The following ABCA13 variants were observed in gnomAD, a reference collection of about 807,000 sequenced individuals.
ABCA13 encodes the protein ATP-binding cassette sub-family A member 13.
ABCA13 carries 476 observed loss-of-function variants against 478.7 expected under a neutral mutation model. The observed-to-expected ratio is 0.99, with a 90% CI of 0.92 to 1.07. The LOEUF (loss-of-function observed/expected upper bound fraction) is 1.07. Among genes scored for constraint, ABCA13 ranks in the 50% least tolerant of loss-of-function variants. The pLI, the probability that ABCA13 is intolerant of heterozygous loss-of-function variation, is 0.00. For missense variants in ABCA13, 6,060 were observed against 5,910.6 expected, an observed-to-expected ratio of 1.03 and a Z score of -0.83; for synonymous variants, 2,252 against 2,158.9, an observed-to-expected ratio of 1.04 and a Z score of -1.20.
intron 6 of ABCA13, among the ~76,000 whole-genome samples, chr7:48,228,804 C>T (rs896566645): frequency 6.6e-6 from 1 of 152,118 alleles, no homozygotes; most frequent in African/African-American, 2.4e-5. Context: ...GAAATGCCTC[C>T]CTTTGTATTC....
At chr7:48,346,254 T>C (rs1267614294) in intron 29 of ABCA13, among the ~76,000 whole-genome samples, 2 of 152,166 alleles carry the variant, frequency 1.3e-5, no homozygotes, top group African/African-American at 4.8e-5. Flanking sequence ...ATAAGAAAGC[T>C]TAAAGCCTTC....
At chr7:48,545,206 A>G (rs1784713439) in intron 55 of ABCA13, among the ~76,000 whole-genome samples, 5 of 151,788 alleles carry the variant, frequency 3.3e-5, no homozygotes, top group Admixed American at 3.3e-4. Flanking sequence ...ATTGAACTGA[A>G]ACTCTGTATA....
chr7:48,268,184 T>A (rs1415558198), intron 15 of ABCA13, among the ~76,000 whole-genome samples: 1 of 152,122 alleles, frequency 6.6e-6, no homozygotes, highest in African/African-American at 2.4e-5. Context: ...TTTGAGACAG[T>A]CTCGCTCTGT....
intron 48 of ABCA13, among the ~76,000 whole-genome samples, chr7:48,495,294 G>T (rs868142640): frequency 3.3e-5 from 5 of 152,198 alleles, no homozygotes; most frequent in Admixed American, 6.5e-5. Flanking sequence ...CTTCATCTTT[G>T]ACCCAGGGAT....
In ABCA13 at chr7:48,239,420, C is replaced by G. The variant is rs754249338; in HGVS notation, c.1062+15C>G. 1.2e-5 allele frequency: 19 copies of G among 1,602,330 alleles called. No homozygotes were observed. The East Asian group carries it at 2.7e-4, about 23-fold the overall frequency. The stretch of plus-strand genomic sequence containing the variant: ...TCTACCAACAGGTGCTGTCCCCTCT[C>G]TCTATGTTCTGTTCAAAGGTGTGCC... On this transcript the variant is annotated intron_variant, in intron 9 of 61. Transcript: ENST00000435803.
In ABCA13 at chr7:48,372,499, T is replaced by C. The variant is rs779242720; in HGVS notation, c.11133+2T>C. 44 of 1,481,768 alleles carry C rather than the reference T, an allele frequency of 3.0e-5. No homozygotes were observed. Among genetic ancestry groups the C allele is most frequent in the Admixed American group, 6.6e-5 (3 of 45,516 alleles). 91.8% of individuals were successfully genotyped at this position (1,481,768 alleles called of 1,614,324 possible). A position where few individuals can be genotyped will look rare whatever the true frequency, so the allele number is the denominator to read the frequency against. ...AGTTTTGTTAATCAGACATTTCTGG[T>C]AAGTAAGTTGTTTTGTAAAAAAAAA... is the stretch of plus-strand genomic sequence containing the variant. On this transcript the variant is annotated splice_donor_variant, in intron 33 of 61. Transcript: ENST00000435803. LOFTEE classifies it high-confidence loss of function.
At chr7:48,244,536 T>A in intron 10 of ABCA13, 40 bp from the exon 11 acceptor site, 1 of 1,591,812 alleles carries the variant, frequency 6.3e-7, no homozygotes, top group Non-Finnish European at 8.5e-7. Flanking sequence ...CACTTCGAAC[T>A]ACTTTTCATT....
rs368995734 is a variant in ABCA13, at chr7:48,286,942, T to C, written c.8837-1018T>C. 1.2e-4 allele frequency among the ~76,000 whole-genome samples: 19 copies of C among 152,342 alleles called. No individual in the cohort carries two copies. In the East Asian group the frequency reaches 3.3e-3, roughly 26 times the overall value. ...TTATTTTCTGTCATGACCAAGCATC[T>C]AGGAGGTACAAAGCCCTGTGCTAGG... On this transcript the variant is annotated intron_variant, in intron 19 of 61. Transcript: ENST00000435803.
At chr7:48,590,318 A>G (rs530724474) in intron 57 of ABCA13, among the ~76,000 whole-genome samples, 2 of 152,014 alleles carry the variant, frequency 1.3e-5, no homozygotes, top group Non-Finnish European at 1.5e-5. Flanking sequence ...AGAGAGAGAG[A>G]CAAGGAAACA....
intron 29 of ABCA13, among the ~76,000 whole-genome samples, chr7:48,345,758 T>C (rs987358065): frequency 6.6e-6 from 1 of 152,182 alleles, no homozygotes; most frequent in Non-Finnish European, 1.5e-5. Context: ...GTAGCTTAAG[T>C]ATACAGTGTT....
chr7:48,294,924 G>A (rs932599215), intron 20 of ABCA13, among the ~76,000 whole-genome samples: 4 of 152,126 alleles, frequency 2.6e-5, no homozygotes, highest in African/African-American at 9.7e-5. Flanking sequence ...TGTATATAAT[G>A]TCACATTTTC....
Position 48,346,627 on chromosome 7 carries a change from T to C in ABCA13, c.10205-4016T>C, listed in dbSNP as rs1030277513. On this transcript the variant is annotated intron_variant, in intron 29 of 61. Transcript: ENST00000435803. ...GATATTCAGTTGGAGCCTCGCTCTC[T>C]CCTTATAGCTGTTACATGATAATAG... 2.0e-5 allele frequency among the ~76,000 whole-genome samples: 3 copies of C among 152,352 alleles called. No homozygotes were observed. The East Asian group carries it at 5.8e-4, about 29-fold the overall frequency.
Position 48,173,285 on chromosome 7 carries a change from C to G in ABCA13, c.69+1733C>G, listed in dbSNP as rs770252359. Among the ~76,000 whole-genome samples, 4 of 152,156 alleles carry G rather than the reference C, an allele frequency of 2.6e-5. No homozygotes were observed. The East Asian group carries it at 7.7e-4, about 29-fold the overall frequency. On this transcript the variant is annotated intron_variant, in intron 1 of 61. Transcript: ENST00000435803. ...ACAGATTTTCTTATTTGCCGATTGC[C>G]TCTGGATCCTACATTAGTATGTTAC...
chr7:48,351,515 G>A (rs1241118694), intron 30 of ABCA13, among the ~76,000 whole-genome samples: 9 of 152,108 alleles, frequency 5.9e-5, no homozygotes, highest in Admixed American at 5.9e-4. Flanking sequence ...CTTGTAGGTG[G>A]CCATCTTCTC....
rs746150976 is a variant in ABCA13, at chr7:48,272,129, A to G, written c.2463A>G (p.Arg821=). The G allele has an allele frequency of 1.9e-6, 3 of 1,613,342 alleles. No homozygotes were observed. Among genetic ancestry groups the G allele is most frequent in the African/African-American group, 2.7e-5 (2 of 74,930 alleles). Residue 821 remains arginine (R), a synonymous_variant, in exon 17 of 62, where the codon AGA becomes AGG. Transcript: ENST00000435803. ...GGAAGGAACCAAAAAATCTTTTGAG[A>G]TTCATAGAATTAATACTTTTTGAAA... is the stretch of plus-strand genomic sequence containing the variant. ...WIRKEPKNLL[R]FIELILFEIN...
In ABCA13 at chr7:48,274,844, T is replaced by TC; in HGVS notation, c.5179dup (p.His1727ProfsTer11). The TC allele has an allele frequency of 6.2e-7, 1 of 1,613,996 alleles. No homozygotes were observed. The highest frequency in any genetic ancestry group is 8.5e-7 in the Non-Finnish European group (1 of 1,179,868). ...ACAGCTCACATTCTTGGAATGTTAA[T>TC]CATCTGCTGCAGCTCTCACGCCTGT... On this transcript the variant is annotated frameshift_variant, in exon 17 of 62. Coordinates refer to ENST00000435803, the MANE Select transcript of ABCA13 (RefSeq NM_152701.5). LOFTEE classifies it high-confidence loss of function.
chr7:48,219,232 G>A (rs1257511258), intron 3 of ABCA13, 122 bp from the exon 4 acceptor site: 4 of 958,840 alleles, frequency 4.2e-6, no homozygotes, highest in South Asian at 3.7e-5. Context: ...CAGGGTAGAT[G>A]ATGAGAGTGT....
intron 5 of ABCA13, 117 bp downstream of exon 5, chr7:48,221,426 T>TA: frequency 1.8e-6 from 1 of 541,500 alleles, no homozygotes; most frequent in East Asian, 4.0e-5. Flanking sequence ...GTATAACAAT[T>TA]GTATAGAAGC....
chr7:48,175,882 TAACAACAAC>T (rs376433232), intron 1 of ABCA13, among the ~76,000 whole-genome samples: 5 of 151,528 alleles, frequency 3.3e-5, no homozygotes, highest in South Asian at 2.1e-4. Flanking sequence ...AAAGAATTAA[TAACAACAAC>T]AACAACAACA....
Sources: allele counts gnomAD v4.1 joint callset (sites outside exome capture counted in the v4.1 genomes callset), GRCh38; gene constraint gnomAD v4.1.1; transcripts MANE v1.5; gene names NCBI Gene and HGNC (gene_info 2026-07-23, HGNC 2026-07-21).